The following FUT9 variants were observed in gnomAD, a reference collection of about 807,000 sequenced individuals.
The protein encoded by FUT9 is fucosyltransferase 9, also known as 4-galactosyl-N-acetylglucosaminide 3-alpha-L-fucosyltransferase 9.
FUT9 carries 15 observed loss-of-function variants against 29.7 expected under a neutral mutation model. The observed-to-expected ratio is 0.51, with a 90% CI of 0.34 to 0.78. The LOEUF is 0.78. Ranked by LOEUF, FUT9 falls within the 30% of genes least tolerant of loss-of-function variation. The pLI is 0.01. For missense variants in FUT9, 319 were observed against 425.4 expected (o/e 0.75, Z 2.20); for synonymous variants, 169 against 153.7 (o/e 1.10, Z -0.74).
intron 2 of FUT9, among the ~76,000 whole-genome samples, chr6:96,201,777 A>G (rs1214095614): frequency 2.0e-5 from 3 of 150,854 alleles, no homozygotes; most frequent in South Asian, 2.1e-4. Context: ...ACTGAAACCA[A>G]CTTTGACAGG....
intron 2 of FUT9, among the ~76,000 whole-genome samples, chr6:96,182,297 G>A (rs1359740443): frequency 6.6e-6 from 1 of 151,950 alleles, no homozygotes; most frequent in Non-Finnish European, 1.5e-5. Flanking sequence ...ATTTGTTTGA[G>A]TTCATCTTAG....
chr6:96,073,291 A>T (rs1415588291), intron 1 of FUT9, among the ~76,000 whole-genome samples: 1 of 152,002 alleles, frequency 6.6e-6, no homozygotes, highest in Non-Finnish European at 1.5e-5. Flanking sequence ...TCTACTAAAA[A>T]TACAAAAATT....
At chr6:96,035,838 A>AATATAATAC (rs1554187874) in intron 1 of FUT9, among the ~76,000 whole-genome samples, 2 of 128,120 alleles carry the variant, frequency 1.6e-5, no homozygotes, top group African/African-American at 2.8e-5. Context: ...GTATTATATT[A>AATATAATAC]ATATAATATA....
In FUT9 at chr6:96,164,699, A is replaced by G. The variant is rs545409288; in HGVS notation, c.-8-38449A>G. 5.9e-5 allele frequency among the ~76,000 whole-genome samples: 9 copies of G among 152,236 alleles called. No individual in the cohort carries two copies. The East Asian group carries it at 1.4e-3, about 23-fold the overall frequency. ...CAAAGAAAGGAAGGCAAAATGAGGC[A>G]TGTCTGACCACTCATTCCCATCATG... On this transcript the variant is annotated intron_variant, in intron 2 of 2. Coordinates refer to ENST00000302103, the MANE Select transcript of FUT9 (RefSeq NM_006581.4).
intron 1 of FUT9, among the ~76,000 whole-genome samples, chr6:96,096,310 A>C (rs539414719): frequency 6.6e-6 from 1 of 152,042 alleles, no homozygotes; most frequent in Non-Finnish European, 1.5e-5. Flanking sequence ...CACCTCAATC[A>C]TTCTAATCCA....
intron 1 of FUT9, among the ~76,000 whole-genome samples, chr6:96,094,001 GTA>G (rs1211901983): frequency 6.6e-6 from 1 of 152,130 alleles, no homozygotes; most frequent in Non-Finnish European, 1.5e-5. Flanking sequence ...AGGCTGGAAT[GTA>G]TATGTCATGT....
intron 1 of FUT9, among the ~76,000 whole-genome samples, chr6:96,071,272 T>C (rs1771053357): frequency 1.3e-5 from 2 of 152,178 alleles, no homozygotes; most frequent in African/African-American, 4.8e-5. Context: ...ACAGCTCCTG[T>C]AAGTGAGGAA....
chr6:96,078,502 G>GCTCCGC (rs1321388275), intron 1 of FUT9, among the ~76,000 whole-genome samples: 2 of 127,808 alleles, frequency 1.6e-5, no homozygotes, highest in Non-Finnish European at 3.1e-5. Flanking sequence ...CTCACTGCAA[G>GCTCCGC]CTCCGCCTCC....
chr6:96,063,288 G>A (rs1182645768), intron 1 of FUT9, among the ~76,000 whole-genome samples: 1 of 152,160 alleles, frequency 6.6e-6, no homozygotes, highest in Non-Finnish European at 1.5e-5. Flanking sequence ...TCACGGTTCT[G>A]TATGTTTTAC....
chr6:96,134,094 A>G (rs752411559), intron 2 of FUT9, among the ~76,000 whole-genome samples: 4 of 151,918 alleles, frequency 2.6e-5, no homozygotes, highest in South Asian at 4.1e-4. Flanking sequence ...AAATAAAGAG[A>G]AGATATGTGA....
Position 96,209,218 on chromosome 6 carries a change from T to C in FUT9, c.*4983T>C, listed in dbSNP as rs1773888883. On this transcript the variant is annotated 3_prime_UTR_variant, in exon 3 of 3. Transcript: ENST00000302103. ...GAAATTGATATATGCATGAAATTCC[T>C]AATGGAATTTCAATGTCCATCTCAA... 3 of 166,912 alleles carry C rather than the reference T, an allele frequency of 1.8e-5. No homozygotes were observed. The highest frequency in any genetic ancestry group is 2.1e-4 in the South Asian group (1 of 4,834). The allele number at this position is 166,912 out of a possible 1,614,324, so 10.3% of individuals were successfully genotyped here.
chr6:96,071,693 T>C (rs1771065671), intron 1 of FUT9, among the ~76,000 whole-genome samples: 1 of 152,214 alleles, frequency 6.6e-6, no homozygotes, highest in Admixed American at 6.5e-5. Flanking sequence ...TTTTAAAAAT[T>C]GTCACTAAGA....
intron 1 of FUT9, among the ~76,000 whole-genome samples, chr6:96,105,840 G>T (rs1417856630): frequency 1.3e-5 from 2 of 152,086 alleles, no homozygotes; most frequent in Admixed American, 1.3e-4. Flanking sequence ...GGAAATTCAG[G>T]ATCTTACCCG....
At chr6:96,139,816 T>C (rs1244054460) in intron 2 of FUT9, among the ~76,000 whole-genome samples, 2 of 152,096 alleles carry the variant, frequency 1.3e-5, no homozygotes, top group Non-Finnish European at 2.9e-5. Flanking sequence ...GGGGGCACCA[T>C]GTCCTGAGGC....
intron 2 of FUT9, among the ~76,000 whole-genome samples, chr6:96,187,804 A>G (rs546173220): frequency 1.1e-3 from 175 of 152,266 alleles, no homozygotes; most frequent in Admixed American, 2.8e-3. Context: ...ATTCTTTCTT[A>G]TCTCTCCCCT....
chr6:96,083,155 G>A (rs943102842), intron 1 of FUT9, among the ~76,000 whole-genome samples: 4 of 151,976 alleles, frequency 2.6e-5, no homozygotes, highest in Non-Finnish European at 4.4e-5. Flanking sequence ...TCTAAGAGTA[G>A]AAACTTTGTG....
chr6:96,063,049 C>T (rs762022316), intron 1 of FUT9, among the ~76,000 whole-genome samples: 5 of 152,032 alleles, frequency 3.3e-5, no homozygotes, highest in South Asian at 2.1e-4. Context: ...TAAACCTCCT[C>T]GTAAATGAAC....
chr6:96,066,351 G>A (rs964660756), intron 1 of FUT9, among the ~76,000 whole-genome samples: 2 of 142,618 alleles, frequency 1.4e-5, no homozygotes, highest in Non-Finnish European at 3.1e-5. Context: ...TAAAAATCTA[G>A]AACTAAGGGG....
intron 2 of FUT9, among the ~76,000 whole-genome samples, chr6:96,166,322 A>G (rs1176941532): frequency 6.6e-6 from 1 of 152,210 alleles, no homozygotes; most frequent in African/African-American, 2.4e-5. Flanking sequence ...TAGTCTATAC[A>G]TTGTCAGTTG....
Sources: allele counts gnomAD v4.1 joint callset (sites outside exome capture counted in the v4.1 genomes callset), GRCh38; gene constraint gnomAD v4.1.1; transcripts MANE v1.5; gene names NCBI Gene and HGNC (gene_info 2026-07-23, HGNC 2026-07-21).